The following ATXN8OS variants were observed in gnomAD, a reference collection of about 807,000 sequenced individuals.
ATXN8OS encodes the protein ATXN8 opposite strand (non-protein coding).
intron 2 of ATXN8OS, among the ~76,000 whole-genome samples, chr13:70,119,824 A>G (rs529971505): frequency 1.3e-5 from 2 of 152,230 alleles, no homozygotes; most frequent in South Asian, 2.1e-4. Flanking sequence ...CTATGTGTAT[A>G]AAGTCAGTGA....
intron 1 of ATXN8OS, among the ~76,000 whole-genome samples, chr13:70,112,224 C>T (rs1888206739): frequency 6.6e-6 from 1 of 152,108 alleles, no homozygotes; most frequent in Non-Finnish European, 1.5e-5. Context: ...ATGATTCCAT[C>T]ACCTCACACT....
In ATXN8OS at chr13:70,123,645, G is replaced by C. The variant is rs866750115; in HGVS notation, n.399-6139G>C. Among the ~76,000 whole-genome samples the C allele has an allele frequency of 9.9e-5, 15 of 151,860 alleles. 1 individual carries two copies. The highest frequency in any genetic ancestry group is 3.4e-3 in the Middle Eastern group (1 of 294). On this transcript the variant is annotated intron_variant and non_coding_transcript_variant, in intron 2 of 4. Transcript: ENST00000678624. ...AATCAAATGAGAACTATTTGGGTAA[G>C]GGAAAAAAATCCCAAATATATTATG...
At chr13:70,128,233 C>G (rs79499749) in intron 2 of ATXN8OS, among the ~76,000 whole-genome samples, 199 of 152,214 alleles carry the variant, frequency 1.3e-3, no homozygotes, top group African/African-American at 4.5e-3. Flanking sequence ...GCTTTATTGC[C>G]TGTCTAATGG....
chr13:70,125,693 G>A (rs984011091), intron 2 of ATXN8OS, among the ~76,000 whole-genome samples: 3 of 152,146 alleles, frequency 2.0e-5, no homozygotes, highest in Non-Finnish European at 4.4e-5. Flanking sequence ...GTTTGATGAT[G>A]TTTGGTTGCC....
At chr13:70,141,979 G>A (rs745632488) in intron 3 of ATXN8OS, among the ~76,000 whole-genome samples, 48 of 152,062 alleles carry the variant, frequency 3.2e-4, no homozygotes, top group Non-Finnish European at 5.6e-4. Context: ...CACCTCGCGG[G>A]TTCAAGCGAT....
chr13:70,115,299 G>A (rs1056855485), intron 2 of ATXN8OS: 18 of 398,008 alleles, frequency 4.5e-5, no homozygotes, highest in African/African-American at 2.9e-4. Flanking sequence ...ACCTACTCCT[G>A]TAAGTCCATT....
In ATXN8OS at chr13:70,139,524, G is replaced by A. The variant is rs574114554; in HGVS notation, n.500-7831G>A. The A allele has an allele frequency of 5.8e-5, 29 of 497,318 alleles. 1 individual carries two copies. Among genetic ancestry groups the A allele is most frequent in the Middle Eastern group, 5.3e-4 (1 of 1,872 alleles). The allele number at this position is 497,318 out of a possible 1,614,324, so 30.8% of individuals were successfully genotyped here. The stretch of plus-strand genomic sequence containing the variant: ...CTCATACTGCTTATCTCTTACTTAA[G>A]AATTTATGAATAAAGAATTGATTTT... On this transcript the variant is annotated intron_variant and non_coding_transcript_variant, in intron 3 of 4. Coordinates refer to ENST00000678624, the Ensembl canonical transcript of ATXN8OS.
chr13:70,130,662 C>T lies in ATXN8OS; in HGVS notation n.499+778C>T, dbSNP rs116341121. ...GTCTAGGAATGCACAAGTAAGCATG[C>T]TGGTTTCCATTTCAGATTCAAACTT... On this transcript the variant is annotated intron_variant and non_coding_transcript_variant, in intron 3 of 4. Coordinates refer to ENST00000678624, the Ensembl canonical transcript of ATXN8OS. The T allele has an allele frequency of 4.9e-3, 1,957 of 398,372 alleles. 35 individuals carry two copies. Among genetic ancestry groups the T allele is most frequent in the African/African-American group, 0.036 (1,730 of 48,708 alleles). The allele number at this position is 398,372 out of a possible 1,614,324, so 24.7% of individuals were successfully genotyped here.
At chr13:70,143,465 C>A (rs1271516719) in intron 3 of ATXN8OS, among the ~76,000 whole-genome samples, 1 of 152,106 alleles carries the variant, frequency 6.6e-6, no homozygotes, top group East Asian at 1.9e-4. Context: ...TGCTGGTGTT[C>A]TGTGCTCACG....
intron 1 of ATXN8OS, among the ~76,000 whole-genome samples, chr13:70,112,114 A>C (rs1189408985): frequency 6.6e-6 from 1 of 152,180 alleles, no homozygotes; most frequent in Non-Finnish European, 1.5e-5. Context: ...TGGCTGGAGC[A>C]GGAAGAAGAG....
chr13:70,131,434 C>T (rs1447002301), intron 3 of ATXN8OS: 1 of 398,410 alleles, frequency 2.5e-6, no homozygotes, highest in African/African-American at 2.1e-5. Context: ...AGGTCTCTAA[C>T]AGGGCCAGCA....
At chr13:70,141,117 C>A (rs1888708882) in intron 3 of ATXN8OS, among the ~76,000 whole-genome samples, 1 of 152,154 alleles carries the variant, frequency 6.6e-6, no homozygotes, top group South Asian at 2.1e-4. Context: ...TGCTGTACAT[C>A]CTCAAGGCTT....
intron 4 of ATXN8OS, among the ~76,000 whole-genome samples, chr13:70,158,008 A>G (rs1343555521): frequency 6.6e-6 from 1 of 152,208 alleles, no homozygotes; most frequent in Non-Finnish European, 1.5e-5. Context: ...CATTAATCAC[A>G]GATGCATTCA....
At chr13:70,108,953 G>T (rs1216173507) in intron 1 of ATXN8OS, among the ~76,000 whole-genome samples, 7 of 152,210 alleles carry the variant, frequency 4.6e-5, no homozygotes, top group Admixed American at 4.6e-4. Flanking sequence ...GCGTACGGTA[G>T]AAATTTGAAG....
chr13:70,135,826 T>G (rs770271801), intron 3 of ATXN8OS, among the ~76,000 whole-genome samples: 14 of 152,174 alleles, frequency 9.2e-5, no homozygotes, highest in Non-Finnish European at 1.9e-4. Flanking sequence ...GACATAAAAT[T>G]GAATCAATTA....
intron 1 of ATXN8OS, among the ~76,000 whole-genome samples, chr13:70,114,981 T>A (rs1888252746): frequency 6.6e-6 from 1 of 152,070 alleles, no homozygotes; most frequent in Non-Finnish European, 1.5e-5. Flanking sequence ...TCTGCTTGAA[T>A]AGAAGAGAGA....
chr13:70,137,279 T>C (rs542768992), intron 3 of ATXN8OS, among the ~76,000 whole-genome samples: 1 of 152,332 alleles, frequency 6.6e-6, no homozygotes, highest in South Asian at 2.1e-4. Flanking sequence ...TATCTTAACA[T>C]TTCTGTATCT....
At chr13:70,148,214 G>A (rs1430241590) in intron 4 of ATXN8OS, among the ~76,000 whole-genome samples, 4 of 152,070 alleles carry the variant, frequency 2.6e-5, no homozygotes, top group Non-Finnish European at 5.9e-5. Flanking sequence ...ACCTGCAAAG[G>A]GAAGGGGATT....
At chr13:70,151,212 T>C (rs866007896) in intron 4 of ATXN8OS, among the ~76,000 whole-genome samples, 11 of 152,118 alleles carry the variant, frequency 7.2e-5, no homozygotes, top group African/African-American at 2.7e-4. Context: ...ATTATTAACT[T>C]ACAGACACCA....
Sources: gnomAD v4.1 joint callset for allele counts (sites outside exome capture counted in the v4.1 genomes callset) on GRCh38, gnomAD v4.1.1 for gene constraint, MANE v1.5 for transcripts, NCBI Gene and HGNC (gene_info 2026-07-23, HGNC 2026-07-21) for gene names.